DCLRE1C: variants seen among roughly 807,000 people sequenced by gnomAD.
DCLRE1C encodes the protein DNA cross-link repair 1C, also known as protein artemis.
A neutral mutation model predicts 61.4 loss-of-function variants in DCLRE1C; 47 were observed. The ratio of observed to expected loss-of-function variants is 0.77; its 90% CI spans 0.61 to 0.98. DCLRE1C has a LOEUF of 0.98. Among genes scored for constraint, DCLRE1C ranks in the 50% least tolerant of loss-of-function variants. The pLI is 0.00. For synonymous variants in DCLRE1C, 337 were observed against 287.6 expected (o/e 1.17, Z -1.74); for missense variants, 858 against 816.0 (o/e 1.05, Z -0.63).
intron 13 of DCLRE1C, among the ~76,000 whole-genome samples, chr10:14,914,932 C>T (rs1026619538): frequency 4.1e-5 from 6 of 146,776 alleles, no homozygotes; most frequent in African/African-American, 7.9e-5. Flanking sequence ...AGAGAGAATC[C>T]ATCTCATTAA....
In DCLRE1C at chr10:14,926,829, T is replaced by C. The variant is rs1055606065; in HGVS notation, c.972+14A>G. ...CTGAGCGATAAGGGTTATGAGTATA[T>C]GGGATCCTCTTACCTCACTGTAGGA... On this transcript the variant is annotated intron_variant, in intron 11 of 13. Transcript: ENST00000378278. The C allele has an allele frequency of 6.2e-7, 1 of 1,609,008 alleles. No individual in the cohort carries two copies. The highest frequency in any genetic ancestry group is 8.5e-7 in the Non-Finnish European group (1 of 1,175,516).
chr10:14,935,588 G>A (rs1228144476), intron 5 of DCLRE1C, 24 bp from the exon 6 acceptor site: 1 of 1,607,324 alleles, frequency 6.2e-7, no homozygotes, highest in East Asian at 2.2e-5. Flanking sequence ...ATATCCCAGT[G>A]ACTTCTGAGT....
At position 14,908,434 on chromosome 10, in the gene DCLRE1C, T is replaced by A; in HGVS notation, c.2053A>T (p.Arg685Ter). 6.2e-7 allele frequency: 1 copy of A among 1,613,534 alleles called. No homozygotes were observed. The highest frequency in any genetic ancestry group is 1.3e-5 in the African/African-American group (1 of 74,954). Residue 685 changes from arginine (R) to a stop codon, truncating the protein, a stop_gained, in exon 14 of 14, where the codon AGA becomes TGA. Coordinates refer to ENST00000378278, the MANE Select transcript of DCLRE1C (RefSeq NM_001033855.3). LOFTEE classifies it high-confidence loss of function. ...TAGGTATCTAAGAGTGAGCATTTTC[T>A]TTTTTTGACTGCTATACTCTCACCA... ...ATGESIAVKK[R>*]KCSLLDT
At chr10:14,912,841 C>G (rs1046096063) in intron 13 of DCLRE1C, among the ~76,000 whole-genome samples, 1 of 152,030 alleles carries the variant, frequency 6.6e-6, no homozygotes, top group East Asian at 1.9e-4. Flanking sequence ...GCCACCACAC[C>G]TGGCTAATTT....
chr10:14,923,131 A>T (rs974559759), intron 11 of DCLRE1C, 62 bp from the exon 12 acceptor site: 5 of 1,275,234 alleles, frequency 3.9e-6, no homozygotes, highest in African/African-American at 1.5e-5. Context: ...GTTAGGGGAG[A>T]TAAAGGGAGG....
chr10:14,941,779 C>T (rs1302475695), intron 3 of DCLRE1C, among the ~76,000 whole-genome samples: 1 of 152,034 alleles, frequency 6.6e-6, no homozygotes, highest in East Asian at 1.9e-4. Context: ...CATGAGCACC[C>T]CCCAAAATAC....
In DCLRE1C at chr10:14,937,809, G is replaced by A. The variant is rs556778342; in HGVS notation, c.307-1216C>T. On this transcript the variant is annotated intron_variant, in intron 4 of 13. Transcript: ENST00000378278. ...CTCAGGAGGCTGAGGCAAGAGAATC[G>A]CTTGAAACCAGGAGGTAGAGGTTGC... is the stretch of plus-strand genomic sequence containing the variant. Among the ~76,000 whole-genome samples the A allele has an allele frequency of 4.0e-5, 6 of 149,352 alleles. No homozygotes were observed. The South Asian group carries it at 6.4e-4, about 16-fold the overall frequency.
At chr10:14,914,991 A>C (rs1214913808) in intron 13 of DCLRE1C, among the ~76,000 whole-genome samples, 1 of 152,154 alleles carries the variant, frequency 6.6e-6, no homozygotes, top group Non-Finnish European at 1.5e-5. Flanking sequence ...AATAACATTA[A>C]TTTAGATAAC....
intron 1 of DCLRE1C, 66 bp from the exon 2 acceptor site, chr10:14,949,153 C>T: frequency 1.8e-6 from 2 of 1,115,942 alleles, no homozygotes; most frequent in South Asian, 1.3e-5. Context: ...CCAAGGGAAA[C>T]AGTCGTCTTC....
chr10:14,928,786 GT>G (rs1295642325), intron 9 of DCLRE1C, among the ~76,000 whole-genome samples: 1,353 of 133,582 alleles, frequency 0.01, 9 homozygotes, highest in African/African-American at 0.024. Flanking sequence ...GGTGTATGGT[GT>G]TTTTTTTTTT....
intron 2 of DCLRE1C, chr10:14,945,583 C>T: frequency 5.8e-6 from 6 of 1,028,866 alleles, no homozygotes; most frequent in East Asian, 9.3e-5. Context: ...GATACCGCCA[C>T]ACATTACACT....
At chr10:14,925,217 A>G (rs1180214198) in intron 11 of DCLRE1C, among the ~76,000 whole-genome samples, 2 of 148,434 alleles carry the variant, frequency 1.3e-5, no homozygotes, top group African/African-American at 2.5e-5. Flanking sequence ...TGAAGGGAAT[A>G]AAGGATTTAA....
At chr10:14,946,904 C>G (rs1053109724) in intron 2 of DCLRE1C, among the ~76,000 whole-genome samples, 1 of 152,144 alleles carries the variant, frequency 6.6e-6, no homozygotes, top group Non-Finnish European at 1.5e-5. Context: ...AAGCCTAAGC[C>G]ACTACGCCTG....
intron 11 of DCLRE1C, among the ~76,000 whole-genome samples, chr10:14,924,672 C>T (rs1195047001): frequency 6.6e-6 from 1 of 151,954 alleles, no homozygotes; most frequent in African/African-American, 2.4e-5. Context: ...CACGGTGAAA[C>T]CCCGTCTCTA....
chr10:14,928,193 T>C (rs1343147699), intron 9 of DCLRE1C, 41 bp from the exon 10 acceptor site: 5 of 1,592,142 alleles, frequency 3.1e-6, no homozygotes, highest in Non-Finnish European at 4.3e-6. Context: ...TTCTACATTT[T>C]CTACAAATCT....
chr10:14,939,978 TA>T, intron 3 of DCLRE1C, 109 bp from the exon 4 acceptor site: 1 of 791,620 alleles, frequency 1.3e-6, no homozygotes, highest in South Asian at 1.6e-5. Flanking sequence ...AGACTCTCTA[TA>T]TAAACAATTC....
downstream of DCLRE1C, among the ~76,000 whole-genome samples, chr10:14,901,573 A>G (rs2131724406): frequency 6.6e-6 from 1 of 151,028 alleles, no homozygotes; most frequent in Middle Eastern, 3.4e-3. Context: ...ATTGTGGGCT[A>G]AGCATGCTGG....
intron 11 of DCLRE1C, among the ~76,000 whole-genome samples, chr10:14,926,295 A>G (rs1009092365): frequency 1.3e-5 from 2 of 152,200 alleles, no homozygotes; most frequent in African/African-American, 4.8e-5. Flanking sequence ...AAAGGATCAC[A>G]AAAGCACTGT....
In DCLRE1C at chr10:14,930,144, C is replaced by G. The variant is rs186624278; in HGVS notation, c.781-1992G>C. Among the ~76,000 whole-genome samples, 423 of 152,222 alleles carry G rather than the reference C, an allele frequency of 2.8e-3. 1 individual carries two copies. Among genetic ancestry groups the G allele is most frequent in the African/African-American group, 9.7e-3 (402 of 41,534 alleles). ...TTTATTTACTTGAGACGGGGTTTCA[C>G]TCTGTCACCCAGGCTGGAGTGCAGT... On this transcript the variant is annotated intron_variant, in intron 9 of 13. Coordinates refer to ENST00000378278, the MANE Select transcript of DCLRE1C (RefSeq NM_001033855.3).
Sources: gnomAD v4.1 joint callset for allele counts (sites outside exome capture counted in the v4.1 genomes callset) on GRCh38, gnomAD v4.1.1 for gene constraint, MANE v1.5 for transcripts, NCBI Gene and HGNC (gene_info 2026-07-23, HGNC 2026-07-21) for gene names.